Variants in CALN1 observed in about 807,000 individuals in gnomAD.
CALN1 encodes the protein calcium-binding protein 8.
A neutral mutation model predicts 30.6 loss-of-function variants in CALN1; 17 were observed. The observed-to-expected ratio is 0.56, with a 90% CI of 0.38 to 0.83. The LOEUF is 0.83. Among genes scored for constraint, CALN1 ranks in the 40% least tolerant of loss-of-function variants. The pLI is 0.00. For missense variants in CALN1, 291 were observed against 354.9 expected (o/e 0.82, Z 1.45); for synonymous variants, 156 against 131.4 (o/e 1.19, Z -1.28).
chr7:72,283,955 T>C (rs1422388956), intron 2 of CALN1, among the ~76,000 whole-genome samples: 1 of 152,224 alleles, frequency 6.6e-6, no homozygotes, highest in South Asian at 2.1e-4. Context: ...GGATGGTTCC[T>C]GTTAATGGGG....
At chr7:72,142,129 G>C (rs996691612) in intron 3 of CALN1, among the ~76,000 whole-genome samples, 2 of 152,130 alleles carry the variant, frequency 1.3e-5, no homozygotes, top group African/African-American at 4.8e-5. Flanking sequence ...GTGGGTGCAG[G>C]ACAGTGGGTG....
the CALN1 span, among the ~76,000 whole-genome samples, chr7:72,481,243 C>T: frequency 2.0e-5 from 3 of 152,130 alleles, no homozygotes; most frequent in South Asian, 4.1e-4. Context: ...GGAGCCACTG[C>T]GCCCGGCCTA....
At chr7:71,946,422 C>T (rs1584577951) in intron 5 of CALN1, among the ~76,000 whole-genome samples, 1 of 142,878 alleles carries the variant, frequency 7.0e-6, no homozygotes, top group Non-Finnish European at 1.5e-5. Context: ...GAGTGGAGTG[C>T]AGTGGTGCAA....
intron 2 of CALN1, among the ~76,000 whole-genome samples, chr7:72,377,099 G>A (rs570459778): frequency 5.3e-5 from 8 of 152,244 alleles, no homozygotes; most frequent in East Asian, 1.9e-4. Flanking sequence ...TAGCCTTGTA[G>A]TAAGTTTTGA....
chr7:72,190,685 C>A (rs571195361), intron 3 of CALN1, among the ~76,000 whole-genome samples: 5 of 152,236 alleles, frequency 3.3e-5, no homozygotes, highest in Admixed American at 6.5e-5. Flanking sequence ...TACAAGAGTC[C>A]TTTGAGTCCT....
intron 2 of CALN1, among the ~76,000 whole-genome samples, chr7:72,396,005 T>C (rs376381475): frequency 1.3e-5 from 2 of 152,050 alleles, no homozygotes; most frequent in South Asian, 2.1e-4. Context: ...GGCCATTGCT[T>C]GACATCGCTC....
chr7:72,164,155 GT>G (rs980108528), intron 3 of CALN1, among the ~76,000 whole-genome samples: 38 of 152,174 alleles, frequency 2.5e-4, no homozygotes, highest in Non-Finnish European at 4.6e-4. Context: ...GCCATCTGAG[GT>G]GAGGAGTTCA....
rs202046946 is a variant in CALN1 at position 72,106,152 on chromosome 7, G to A, written c.387C>T (p.Asp129=). Residue 129 remains aspartate (D), a splice_region_variant and synonymous_variant, in exon 4 of 7, where the codon GAC becomes GAT. Transcript: ENST00000395275. ...AGAAGCTGCTTGTCCGGGTCTTACC[G>A]TCCATGTCCAAGCGCTGCATGATGA... ...LAIIMQRLDM[D]GDGQVDFDEF... 245 of 1,613,546 alleles carry A rather than the reference G, an allele frequency of 1.5e-4. 1 individual carries two copies. The Middle Eastern group carries it at 2.3e-3, about 15-fold the overall frequency.
At chr7:72,027,874 A>G (rs1801178947) in intron 4 of CALN1, among the ~76,000 whole-genome samples, 1 of 149,788 alleles carries the variant, frequency 6.7e-6, no homozygotes, top group African/African-American at 2.5e-5. Flanking sequence ...TGGCTAACAC[A>G]GTGAAACCCC....
At chr7:71,859,758 T>G (rs1584389123) in intron 5 of CALN1, among the ~76,000 whole-genome samples, 1 of 152,318 alleles carries the variant, frequency 6.6e-6, no homozygotes, top group African/African-American at 2.4e-5. Flanking sequence ...TTAGTTCTTT[T>G]TAACTGAGCC....
At chr7:71,889,427 A>G (rs1793107304) in intron 5 of CALN1, among the ~76,000 whole-genome samples, 2 of 152,170 alleles carry the variant, frequency 1.3e-5, no homozygotes, top group Admixed American at 6.5e-5. Context: ...AGTGTAAATT[A>G]AAAAATAAAA....
Position 71,949,664 on chromosome 7 carries a change from G to A in CALN1, c.501+73993C>T, listed in dbSNP as rs555778843. ...CAAAGTGCTGAGCTTACAGGCATGA[G>A]CCACCAAACCCAGCCTTAGAGGGTA... On this transcript the variant is annotated intron_variant, in intron 5 of 6. Coordinates refer to ENST00000395275, the MANE Select transcript of CALN1 (RefSeq NM_031468.4). Among the ~76,000 whole-genome samples, 3 of 152,126 alleles carry A rather than the reference G, an allele frequency of 2.0e-5. No individual in the cohort carries two copies. The East Asian group carries it at 5.8e-4, about 29-fold the overall frequency.
At chr7:72,487,854 GAGAAAGAAAGAA>G in the CALN1 span, among the ~76,000 whole-genome samples, 4 of 69,510 alleles carry the variant, frequency 5.8e-5, no homozygotes, top group Non-Finnish European at 1.0e-4. Context: ...GAAAAAGAAA[GAGAAAGAAAGAA>G]AGAAAGAAAG....
chr7:72,120,863 G>C (rs1270577920), intron 3 of CALN1, among the ~76,000 whole-genome samples: 2 of 152,006 alleles, frequency 1.3e-5, no homozygotes, highest in Non-Finnish European at 2.9e-5. Flanking sequence ...ATGCAGCACA[G>C]GGCCTGGCCC....
chr7:72,236,631 C>CA (rs1794489632), intron 3 of CALN1, among the ~76,000 whole-genome samples: 2 of 152,246 alleles, frequency 1.3e-5, no homozygotes, highest in Admixed American at 1.3e-4. Flanking sequence ...AGGCTCATCG[C>CA]AAAAATCAAA....
At chr7:71,857,038 G>A (rs897669140) in intron 5 of CALN1, among the ~76,000 whole-genome samples, 15 of 151,748 alleles carry the variant, frequency 9.9e-5, no homozygotes, top group African/African-American at 3.6e-4. Context: ...GTGTGTGTGT[G>A]TGTGTGTGTG....
chr7:71,888,461 TAA>T lies in CALN1; in HGVS notation c.502-77971_502-77970del, dbSNP rs543941509. On this transcript the variant is annotated intron_variant, in intron 5 of 6. Transcript: ENST00000395275. ...AGAGAGAGAGAAAGACATTTTTTCTTAAAAAAAAAAAAAAAAGCAAAAAAACA... is the reference window on the plus strand; with the variant it reads ...AGAGAGAGAGAAAGACATTTTTTCTTAAAAAAAAAAAAAAGCAAAAAAACA... Among the ~76,000 whole-genome samples the T allele has an allele frequency of 5.9e-3, 630 of 107,070 alleles. 1 individual carries two copies. The highest frequency in any genetic ancestry group is 0.019 in the African/African-American group (569 of 30,384). The allele number at this position is 107,070 out of a possible 152,430, so 70.2% of individuals were successfully genotyped here.
intron 1 of CALN1, among the ~76,000 whole-genome samples, chr7:72,407,984 G>C (rs1806819993): frequency 6.6e-6 from 1 of 152,160 alleles, no homozygotes; most frequent in Non-Finnish European, 1.5e-5. Context: ...GGGAGACTTT[G>C]ATTCTCCCCT....
At chr7:72,427,694 G>C (rs1292885937) in intron 1 of CALN1, among the ~76,000 whole-genome samples, 2 of 151,026 alleles carry the variant, frequency 1.3e-5, no homozygotes, top group Non-Finnish European at 3.0e-5. Context: ...TGTAGAGACA[G>C]AGTCTTGAAC....
Sources: allele counts gnomAD v4.1 joint callset (sites outside exome capture counted in the v4.1 genomes callset), GRCh38; gene constraint gnomAD v4.1.1; transcripts MANE v1.5; gene names NCBI Gene and HGNC (gene_info 2026-07-23, HGNC 2026-07-21).